SAMD12: variants seen among roughly 807,000 people sequenced by gnomAD.
SAMD12 encodes the protein sterile alpha motif domain-containing protein 12.
Under a neutral mutation model 15.0 loss-of-function variants are expected in SAMD12, and 9 were observed. The observed-to-expected ratio is 0.60, with a 90% CI of 0.36 to 1.05. The LOEUF is 1.05. SAMD12 is among the 50% of genes least tolerant of loss of function. The pLI, the probability that SAMD12 is intolerant of heterozygous loss-of-function variation, is 0.01. For synonymous variants in SAMD12, 86 were observed against 90.1 expected, an observed-to-expected ratio of 0.96 and a Z score of 0.25; for missense variants, 230 against 234.2, an observed-to-expected ratio of 0.98 and a Z score of 0.12.
intron 1 of SAMD12, among the ~76,000 whole-genome samples, chr8:118,619,576 G>C (rs1211986377): frequency 6.6e-6 from 1 of 151,296 alleles, no homozygotes; most frequent in Non-Finnish European, 1.5e-5. Context: ...TACCCTTATA[G>C]AACCAGTTAC....
chr8:118,474,935 T>C (rs1823909524), intron 2 of SAMD12, among the ~76,000 whole-genome samples: 1 of 152,160 alleles, frequency 6.6e-6, no homozygotes, highest in Non-Finnish European at 1.5e-5. Context: ...CTGCAAGAGC[T>C]AATTGTTGAA....
intron 3 of SAMD12, among the ~76,000 whole-genome samples, chr8:118,409,400 T>C (rs879860212): frequency 5.4e-5 from 8 of 149,326 alleles, no homozygotes; most frequent in African/African-American, 9.9e-5. Context: ...TAAGGATTTA[T>C]TAGCCCAATA....
chr8:118,429,845 G>A (rs567870315), intron 3 of SAMD12, among the ~76,000 whole-genome samples: 1 of 152,156 alleles, frequency 6.6e-6, no homozygotes, highest in Non-Finnish European at 1.5e-5. Flanking sequence ...AGTGAGCCAA[G>A]ATCGTGTCAC....
At chr8:118,167,754 A>C in the SAMD12 span, among the ~76,000 whole-genome samples, 269 of 152,218 alleles carry the variant, frequency 1.8e-3, 1 homozygote, top group African/African-American at 6.2e-3. Flanking sequence ...TCCCAATTTA[A>C]GATATGCTAA....
chr8:118,524,207 C>T, intron 2 of SAMD12, among the ~76,000 whole-genome samples: 1 of 152,130 alleles, frequency 6.6e-6, no homozygotes, highest in Non-Finnish European at 1.5e-5. Context: ...CAGGCTTTTT[C>T]CCCTTGACCA....
At chr8:118,178,281 A>G in the SAMD12 span, among the ~76,000 whole-genome samples, 2 of 152,176 alleles carry the variant, frequency 1.3e-5, no homozygotes, top group African/African-American at 4.8e-5. Flanking sequence ...GTTTTGTTCA[A>G]TTGCAAAGGA....
chr8:118,186,555 ATT>A (rs5894417), downstream of SAMD12, among the ~76,000 whole-genome samples: 1,696 of 146,724 alleles, frequency 0.012, 42 homozygotes, highest in African/African-American at 0.04. Flanking sequence ...GTTACCCTCC[ATT>A]TTTTTTTTTT....
chr8:118,238,657 T>C (rs145279343), intron 4 of SAMD12, among the ~76,000 whole-genome samples: 1 of 152,150 alleles, frequency 6.6e-6, no homozygotes, highest in Non-Finnish European at 1.5e-5. Flanking sequence ...TTTGAACATC[T>C]ACCATGGAAA....
At chr8:118,217,609 T>G (rs147418334) in intron 4 of SAMD12, among the ~76,000 whole-genome samples, 1 of 152,194 alleles carries the variant, frequency 6.6e-6, no homozygotes, top group African/African-American at 2.4e-5. Flanking sequence ...TGCTATTGCA[T>G]GGACTAGTCC....
At chr8:118,558,049 CTAT>C (rs1353955053) in intron 2 of SAMD12, among the ~76,000 whole-genome samples, 2 of 152,172 alleles carry the variant, frequency 1.3e-5, no homozygotes, top group Non-Finnish European at 2.9e-5. Context: ...TTATTCTTTA[CTAT>C]TTTTGCCATT....
chr8:118,255,476 G>A (rs1490651068), intron 4 of SAMD12, among the ~76,000 whole-genome samples: 1 of 150,270 alleles, frequency 6.7e-6, no homozygotes, highest in Non-Finnish European at 1.5e-5. Context: ...TTAGCATTAG[G>A]TCTATCTCCT....
chr8:118,137,404 C>A, the SAMD12 span, among the ~76,000 whole-genome samples: 1 of 152,156 alleles, frequency 6.6e-6, no homozygotes. Flanking sequence ...GGGGGCTTTG[C>A]AAAGGGAGTG....
At chr8:118,349,980 T>C (rs529599624) in intron 4 of SAMD12, among the ~76,000 whole-genome samples, 33 of 151,996 alleles carry the variant, frequency 2.2e-4, no homozygotes, top group African/African-American at 7.5e-4. Context: ...ATTGAAAAGC[T>C]AGCCAGCCGT....
downstream of SAMD12, among the ~76,000 whole-genome samples, chr8:118,185,891 AG>A (rs1262268529): frequency 6.6e-6 from 1 of 152,096 alleles, no homozygotes; most frequent in Non-Finnish European, 1.5e-5. Flanking sequence ...TCTCCCTCTC[AG>A]GGGGTCCATC....
At chr8:118,508,011 T>TTTTTTA (rs1824969775) in intron 2 of SAMD12, among the ~76,000 whole-genome samples, 1 of 147,528 alleles carries the variant, frequency 6.8e-6, no homozygotes, top group African/African-American at 2.6e-5. Flanking sequence ...TTTTTTTTTT[T>TTTTTTA]GAGACAGGGT....
At chr8:118,521,557 C>A (rs1239011098) in intron 2 of SAMD12, among the ~76,000 whole-genome samples, 1 of 152,134 alleles carries the variant, frequency 6.6e-6, no homozygotes, top group Non-Finnish European at 1.5e-5. Context: ...TTGACAATGT[C>A]ATTGTTGATA....
At chr8:118,552,707 A>T (rs185916002) in intron 2 of SAMD12, among the ~76,000 whole-genome samples, 6 of 151,760 alleles carry the variant, frequency 4.0e-5, no homozygotes, top group African/African-American at 1.5e-4. Context: ...AAGGAAATAA[A>T]GGGTATTCAA....
At chr8:118,222,801 G>A (rs1484808014) in intron 4 of SAMD12, among the ~76,000 whole-genome samples, 1 of 152,072 alleles carries the variant, frequency 6.6e-6, no homozygotes, top group Non-Finnish European at 1.5e-5. Context: ...CACGGCACCC[G>A]GCCGAGGAAG....
intron 3 of SAMD12, among the ~76,000 whole-genome samples, chr8:118,390,798 T>C (rs1820231332): frequency 6.6e-6 from 1 of 152,204 alleles, no homozygotes; most frequent in Admixed American, 6.5e-5. Context: ...GAAGGGTTAA[T>C]GGAAATTTGC....
Sources: gnomAD v4.1 joint callset for allele counts (sites outside exome capture counted in the v4.1 genomes callset) on GRCh38, gnomAD v4.1.1 for gene constraint, MANE v1.5 for transcripts, NCBI Gene and HGNC (gene_info 2026-07-23, HGNC 2026-07-21) for gene names.